Variants in CTDSPL observed in about 807,000 individuals in gnomAD.
CTDSPL encodes CTD small phosphatase-like protein.
In CTDSPL, 8 loss-of-function variants were observed where a neutral mutation model predicts 30.5. The ratio of observed to expected loss-of-function variants is 0.26; its 90% CI spans 0.15 to 0.47. The LOEUF (loss-of-function observed/expected upper bound fraction) is 0.47, where lower values mean the gene tolerates loss of function less well. Ranked by LOEUF, CTDSPL falls within the 20% of genes least tolerant of loss-of-function variation. The probability of loss-of-function intolerance (pLI) is 0.99; values close to 1 mark genes in which losing one functional copy is unlikely to be tolerated. For missense variants in CTDSPL, 248 were observed against 366.1 expected, an observed-to-expected ratio of 0.68 and a Z score of 2.63; for synonymous variants, 110 against 137.9, an observed-to-expected ratio of 0.80 and a Z score of 1.42.
intron 2 of CTDSPL, among the ~76,000 whole-genome samples, chr3:37,956,100 T>C (rs928078503): frequency 2.0e-5 from 3 of 152,158 alleles, no homozygotes; most frequent in African/African-American, 7.2e-5. Context: ...ACTGTGGAGA[T>C]CATCTCAAGA....
intron 1 of CTDSPL, among the ~76,000 whole-genome samples, chr3:37,896,458 T>A (rs1698391208): frequency 6.6e-6 from 1 of 152,150 alleles, no homozygotes; most frequent in Non-Finnish European, 1.5e-5. Flanking sequence ...CAATTTTGGG[T>A]TTTATTCAAT....
intron 1 of CTDSPL, among the ~76,000 whole-genome samples, chr3:37,904,376 C>T (rs752735776): frequency 6.6e-6 from 1 of 152,112 alleles, no homozygotes; most frequent in Admixed American, 6.5e-5. Flanking sequence ...GGAAAGGACC[C>T]GCCCAGTGGA....
chr3:37,871,367 T>C (rs1295096841), intron 1 of CTDSPL, among the ~76,000 whole-genome samples: 3 of 152,240 alleles, frequency 2.0e-5, no homozygotes, highest in Non-Finnish European at 4.4e-5. Context: ...CTGAAGGGCA[T>C]GTTGGTTGCT....
chr3:37,893,243 T>TGCCTTA (rs1698350161), intron 1 of CTDSPL, among the ~76,000 whole-genome samples: 3 of 152,224 alleles, frequency 2.0e-5, no homozygotes, highest in Non-Finnish European at 4.4e-5. Context: ...CTTGGGATGT[T>TGCCTTA]AACAGCTTCT....
chr3:37,866,535 A>G (rs1015825804), intron 1 of CTDSPL, among the ~76,000 whole-genome samples: 4 of 152,222 alleles, frequency 2.6e-5, no homozygotes, highest in Non-Finnish European at 4.4e-5. Flanking sequence ...GAAATTTCCC[A>G]TAGCTCTTTG....
At chr3:37,918,255 A>T (rs930359607) in intron 1 of CTDSPL, among the ~76,000 whole-genome samples, 2 of 145,142 alleles carry the variant, frequency 1.4e-5, no homozygotes, top group African/African-American at 5.7e-5. Context: ...ACTTTATTAA[A>T]GAACTCAAAA....
chr3:37,916,849 C>T (rs1698655452), intron 1 of CTDSPL, among the ~76,000 whole-genome samples: 1 of 152,126 alleles, frequency 6.6e-6, no homozygotes, highest in African/African-American at 2.4e-5. Flanking sequence ...GGCAGGGAAG[C>T]AGGAGGACAG....
At chr3:37,903,744 T>G (rs1698479613) in intron 1 of CTDSPL, among the ~76,000 whole-genome samples, 1 of 152,186 alleles carries the variant, frequency 6.6e-6, no homozygotes, top group South Asian at 2.1e-4. Flanking sequence ...GCTCAGAGCT[T>G]CTTGGGGACA....
At chr3:37,952,962 G>A (rs779953113) in intron 2 of CTDSPL, among the ~76,000 whole-genome samples, 5 of 152,152 alleles carry the variant, frequency 3.3e-5, no homozygotes, top group African/African-American at 9.7e-5. Context: ...AATATAATGC[G>A]AGTCACATGT....
chr3:37,889,106 T>C (rs772302507), intron 1 of CTDSPL, among the ~76,000 whole-genome samples: 1 of 152,196 alleles, frequency 6.6e-6, no homozygotes, highest in African/African-American at 2.4e-5. Context: ...CCAAGCACCA[T>C]GGGAGATCAG....
At chr3:37,919,352 A>G (rs1698687509) in intron 1 of CTDSPL, among the ~76,000 whole-genome samples, 1 of 152,196 alleles carries the variant, frequency 6.6e-6, no homozygotes, top group Admixed American at 6.5e-5. Flanking sequence ...TATTTAGAAC[A>G]GTTTCCAGCA....
intron 6 of CTDSPL, among the ~76,000 whole-genome samples, chr3:37,973,312 A>G (rs1251662517): frequency 6.6e-6 from 1 of 152,242 alleles, no homozygotes; most frequent in Admixed American, 6.5e-5. Flanking sequence ...AATAAACAAG[A>G]AGATTGCACC....
At chr3:37,872,600 T>C (rs1163387114) in intron 1 of CTDSPL, among the ~76,000 whole-genome samples, 1 of 138,570 alleles carries the variant, frequency 7.2e-6, no homozygotes, top group African/African-American at 2.7e-5. Flanking sequence ...TTTTTGAGAC[T>C]GAGTCACTCT....
At chr3:37,969,377 A>C (rs1306906475) in intron 5 of CTDSPL, 2 of 520,050 alleles carry the variant, frequency 3.8e-6, no homozygotes, top group African/African-American at 3.9e-5. Flanking sequence ...AGCCAAGAGC[A>C]GGAGGACCAA....
At chr3:37,934,741 A>T (rs928970737) in intron 1 of CTDSPL, among the ~76,000 whole-genome samples, 3 of 152,234 alleles carry the variant, frequency 2.0e-5, no homozygotes, top group Admixed American at 2.0e-4. Flanking sequence ...TTCCTGGGAA[A>T]GTGGCGCTCT....
At chr3:37,961,464 C>T (rs1300003097) in intron 3 of CTDSPL, among the ~76,000 whole-genome samples, 1 of 152,136 alleles carries the variant, frequency 6.6e-6, no homozygotes, top group Non-Finnish European at 1.5e-5. Flanking sequence ...CGATCCCATA[C>T]TTTTGCTTAA....
At chr3:37,977,563 G>T (rs1297022384) in intron 7 of CTDSPL, among the ~76,000 whole-genome samples, 2 of 150,960 alleles carry the variant, frequency 1.3e-5, no homozygotes, top group African/African-American at 2.4e-5. Context: ...TCTACTGCTT[G>T]ATTAGATTCG....
chr3:37,939,246 A>G (rs1400525009), intron 1 of CTDSPL, among the ~76,000 whole-genome samples: 3 of 150,258 alleles, frequency 2.0e-5, no homozygotes, highest in Non-Finnish European at 4.5e-5. Context: ...TTACACAAAC[A>G]TACATGTTTT....
chr3:37,954,070 C>T (rs1360417130), intron 2 of CTDSPL, among the ~76,000 whole-genome samples: 8 of 151,998 alleles, frequency 5.3e-5, no homozygotes, highest in Admixed American at 1.3e-4. Flanking sequence ...GTCAAAGAAC[C>T]GAGACATTTT....
Sources: gnomAD v4.1 joint callset for allele counts (sites outside exome capture counted in the v4.1 genomes callset) on GRCh38, gnomAD v4.1.1 for gene constraint, MANE v1.5 for transcripts, NCBI Gene and HGNC (gene_info 2026-07-23, HGNC 2026-07-21) for gene names.